CEP63: variants seen among roughly 807,000 people sequenced by gnomAD.
CEP63 encodes the protein centrosomal protein 63.
A neutral mutation model predicts 89.1 loss-of-function variants in CEP63; 84 were observed. The ratio of observed to expected loss-of-function variants is 0.94; its 90% CI spans 0.79 to 1.13. The LOEUF (loss-of-function observed/expected upper bound fraction) is 1.13. Ranked by LOEUF, CEP63 falls within the 50% of genes most tolerant of loss-of-function variation. CEP63 has a pLI of 0.00. For missense variants in CEP63, 838 were observed against 813.3 expected (o/e 1.03, Z -0.37); for synonymous variants, 267 against 272.5 (o/e 0.98, Z 0.20).
chr3:134,601,685 C>A, the CEP63 span, among the ~76,000 whole-genome samples: 1 of 152,230 alleles, frequency 6.6e-6, no homozygotes, highest in Non-Finnish European at 1.5e-5. Flanking sequence ...GGGCGCAGGA[C>A]CTGCCCAGGA....
At chr3:134,538,566 T>TG in intron 6 of CEP63, among the ~76,000 whole-genome samples, 2 of 144,010 alleles carry the variant, frequency 1.4e-5, no homozygotes, top group Non-Finnish European at 3.0e-5. Context: ...TATATATATA[T>TG]TTTTTTAACA....
the CEP63 span, among the ~76,000 whole-genome samples, chr3:134,777,512 A>T: frequency 6.6e-6 from 1 of 152,184 alleles, no homozygotes; most frequent in Non-Finnish European, 1.5e-5. Flanking sequence ...AATAATTTAA[A>T]ACTCGAGAAT....
chr3:134,526,936 C>T (rs1948767210), intron 3 of CEP63, among the ~76,000 whole-genome samples: 1 of 152,112 alleles, frequency 6.6e-6, no homozygotes, highest in Admixed American at 6.6e-5. Flanking sequence ...TCGTATTGGG[C>T]CCCAACTTTT....
intron 10 of CEP63, among the ~76,000 whole-genome samples, chr3:134,582,049 G>T (rs957738013): frequency 6.6e-6 from 1 of 151,936 alleles, no homozygotes; most frequent in African/African-American, 2.4e-5. Context: ...AAAAAGGAGA[G>T]ATTTAATGAT....
the CEP63 span, among the ~76,000 whole-genome samples, chr3:134,612,751 CTGTGTGTG>C: frequency 6.2e-4 from 78 of 125,486 alleles, no homozygotes; most frequent in South Asian, 0.011. Flanking sequence ...CACGCCGATG[CTGTGTGTG>C]TGTGTGTGTG....
chr3:134,658,124 C>T, the CEP63 span, among the ~76,000 whole-genome samples: 8 of 152,162 alleles, frequency 5.3e-5, no homozygotes, highest in Admixed American at 1.3e-4. Context: ...TCTCGATCTC[C>T]TGACCTTGTG....
At chr3:134,769,535 C>T in the CEP63 span, among the ~76,000 whole-genome samples, 1 of 152,182 alleles carries the variant, frequency 6.6e-6, no homozygotes, top group African/African-American at 2.4e-5. Context: ...TAAACAGTTC[C>T]ACAGGGACTC....
rs572704761 is a variant in CEP63, at chr3:134,561,647, A to T, written c.*112A>T. On this transcript the variant is annotated 3_prime_UTR_variant, in exon 15 of 15. Transcript: ENST00000675561. ...AGAGATAAAATTATAAAAATGATAC[A>T]TCTAAAGCAGTGGTGAAGAAAGCTG... The T allele has an allele frequency of 2.0e-6, 3 of 1,512,486 alleles. No individual in the cohort carries two copies. In the African/African-American group the frequency reaches 4.2e-5, roughly 21 times the overall value. The allele number at this position is 1,512,486 out of a possible 1,614,324, so 93.7% of individuals were successfully genotyped here.
intron 1 of CEP63, among the ~76,000 whole-genome samples, chr3:134,494,126 A>G (rs1576716622): frequency 9.8e-6 from 1 of 101,762 alleles, no homozygotes; most frequent in African/African-American, 3.3e-5. Context: ...TTATTTATTT[A>G]TTTATTTGAG....
intron 5 of CEP63, chr3:134,536,315 A>G (rs534649817): frequency 6.6e-6 from 1 of 152,592 alleles, no homozygotes; most frequent in South Asian, 2.1e-4. Flanking sequence ...TACCTGGCAT[A>G]TATAGTAGAA....
At chr3:134,695,248 C>T in the CEP63 span, among the ~76,000 whole-genome samples, 1 of 152,184 alleles carries the variant, frequency 6.6e-6, no homozygotes, top group Admixed American at 6.5e-5. Context: ...CAATCACAGA[C>T]CTGTCATCCA....
At chr3:134,664,805 A>G in the CEP63 span, among the ~76,000 whole-genome samples, 3 of 152,080 alleles carry the variant, frequency 2.0e-5, no homozygotes, top group Admixed American at 1.3e-4. Context: ...TAATGGGTAT[A>G]TTGATTCCTG....
chr3:134,573,496 G>A (rs1446940159), intron 11 of CEP63, among the ~76,000 whole-genome samples: 1 of 152,148 alleles, frequency 6.6e-6, no homozygotes, highest in Non-Finnish European at 1.5e-5. Flanking sequence ...AGCACCGTTT[G>A]TTGAATAGGA....
rs2109680555 is a variant in CEP63, at chr3:134,547,356, A to G, written c.951A>G (p.Ala317=). The G allele has an allele frequency of 6.2e-7, 1 of 1,613,744 alleles. No individual in the cohort carries two copies. The highest frequency in any genetic ancestry group is 8.5e-7 in the Non-Finnish European group (1 of 1,179,684). The change falls in exon 9 of 15, where the codon GCA becomes GCG. Residue 317 remains alanine, a synonymous_variant. Transcript: ENST00000675561. ...EAIRPREESL[A]EKKYTSQGQG... Reference sequence around the variant, plus strand: ...ATAGGCCACGGGAAGAATCTCTGGCAGAAAAGAAGTACACCTCTCAAGGGC... The same window carrying G: ...ATAGGCCACGGGAAGAATCTCTGGCGGAAAAGAAGTACACCTCTCAAGGGC...
chr3:134,745,991 T>A, the CEP63 span, among the ~76,000 whole-genome samples: 1 of 151,804 alleles, frequency 6.6e-6, no homozygotes, highest in South Asian at 2.1e-4. Flanking sequence ...TATGTATACA[T>A]GTGCCATGTT....
At position 134,563,341 on chromosome 3, in the gene CEP63, T is replaced by C. The variant is rs1331701771; in HGVS notation, c.*1806T>C. 1.3e-5 allele frequency: 2 copies of C among 152,174 alleles called. No individual in the cohort carries two copies. Among genetic ancestry groups the C allele is most frequent in the African/African-American group, 4.8e-5 (2 of 41,438 alleles). The allele number at this position is 152,174 out of a possible 1,614,324, so 9.4% of individuals were successfully genotyped here. Reference sequence around the variant, plus strand: ...TAACTGATAGTACTCACACCAGTAATTCAGGGAGCTTCTGGAGTTATCCTT... The same window carrying C: ...TAACTGATAGTACTCACACCAGTAACTCAGGGAGCTTCTGGAGTTATCCTT... On this transcript the variant is annotated 3_prime_UTR_variant, in exon 15 of 15. Transcript: ENST00000675561.
At chr3:134,742,383 G>A in the CEP63 span, among the ~76,000 whole-genome samples, 4 of 152,166 alleles carry the variant, frequency 2.6e-5, no homozygotes, top group South Asian at 2.1e-4. Flanking sequence ...CATGGGTGTG[G>A]GTGGGTGGTG....
chr3:134,487,085 G>T (rs982818942), intron 1 of CEP63, among the ~76,000 whole-genome samples: 1 of 152,166 alleles, frequency 6.6e-6, no homozygotes, highest in East Asian at 1.9e-4. Context: ...CTTATTAAAA[G>T]AATTTATTAT....
intron 2 of CEP63, among the ~76,000 whole-genome samples, chr3:134,501,271 C>T (rs1441741736): frequency 2.0e-5 from 3 of 152,090 alleles, no homozygotes; most frequent in African/African-American, 7.2e-5. Context: ...AATATGATGC[C>T]TCTAGCTTTG....
Sources: gnomAD v4.1 joint callset for allele counts (sites outside exome capture counted in the v4.1 genomes callset) on GRCh38, gnomAD v4.1.1 for gene constraint, MANE v1.5 for transcripts, NCBI Gene and HGNC (gene_info 2026-07-23, HGNC 2026-07-21) for gene names.